Variants in JUND observed in about 807,000 individuals in gnomAD.
JUND encodes JunD proto-oncogene, AP-1 transcription factor subunit, also known as transcription factor JunD.
Under a neutral mutation model 7.1 loss-of-function variants are expected in JUND, and 2 were observed. That is an observed-to-expected ratio of 0.28 (90% confidence interval 0.11 to 0.88). The LOEUF is 0.88. JUND is among the 40% of genes least tolerant of loss of function. The probability of loss-of-function intolerance (pLI) is 0.60; values close to 1 mark genes in which losing one functional copy is unlikely to be tolerated. For missense variants in JUND, 479 were observed against 519.1 expected (o/e 0.92, Z 0.75); for synonymous variants, 335 against 263.2 (o/e 1.27, Z -2.64).
Position 18,280,495 on chromosome 19 carries a change from G to A in JUND, c.990C>T (p.Ser330=), listed in dbSNP as rs973848610. ...GCAGCTGGCAGCCGCTGTTGACGTG[G>A]CTGAGGACTTTCTGCTTGAGCTGCG... ...QVAQLKQKVL[S]HVNSGCQLLP... Residue 330 remains serine, a synonymous_variant, in exon 1 of 1, where the codon AGC becomes AGT. Transcript: ENST00000252818. This position sits in a 1 kb window ranked among gnomAD's most constrained non-coding sequence, Gnocchi z 4.1. 1.9e-6 allele frequency: 3 copies of A among 1,595,764 alleles called. No homozygotes were observed. The highest frequency in any genetic ancestry group is 2.6e-6 in the Non-Finnish European group (3 of 1,171,742).
rs1357378124 is a variant in JUND at position 18,281,110 on chromosome 19, G to A, written c.375C>T (p.Tyr125=). The change falls in exon 1 of 1, where the codon TAC becomes TAT. Residue 125 remains tyrosine, a synonymous_variant. Transcript: ENST00000252818. ...GCTCCTCGCTGGCCGCCACCTTGGG[G>A]TAGAGGAACTGTGAGCTCGTCGGCG... The part of the protein sequence containing the change: ...TTTPTSSQFL[Y]PKVAASEEQE... 1.3e-6 allele frequency: 2 copies of A among 1,581,266 alleles called. No homozygotes were observed. Among genetic ancestry groups the A allele is most frequent in the Non-Finnish European group, 8.6e-7 (1 of 1,168,870 alleles).
chr19:18,281,459 T>C lies in JUND; in HGVS notation c.26A>G (p.Glu9Gly). ...GCCGCCGCCCAGGCCGCTCAGCGCC[T>C]CATCGCCGTAGAAGGGTGTTTCCAT... METPFYGD[E>G]ALSGLGGGAS... is the part of the protein sequence containing the mutation. The change falls in exon 1 of 1, where the codon GAG becomes GGG. Residue 9 changes from glutamate to glycine, a missense_variant. Around this residue, in one of 3 missense-constraint regions of JUND, gnomAD observed 374 missense variants for 365.4 expected, o/e 1.02. Transcript: ENST00000252818. 1.5e-6 allele frequency: 2 copies of C among 1,366,516 alleles called. No individual in the cohort carries two copies. The highest frequency in any genetic ancestry group is 1.7e-5 in the South Asian group (1 of 59,952). 84.6% of individuals were successfully genotyped at this position (1,366,516 alleles called of 1,614,324 possible).
Position 18,280,213 on chromosome 19 carries a change from G to T in JUND, c.*228C>A. The T allele has an allele frequency of 2.3e-6, 1 of 434,788 alleles. No homozygotes were observed. The highest frequency in any genetic ancestry group is 4.1e-6 in the Non-Finnish European group (1 of 244,162). The allele number at this position is 434,788 out of a possible 1,614,324, so 26.9% of individuals were successfully genotyped here. On this transcript the variant is annotated 3_prime_UTR_variant, in exon 1 of 1. Coordinates refer to ENST00000252818, the MANE Select transcript of JUND (RefSeq NM_005354.6). The surrounding 1 kb of genome is among the most constrained non-coding windows in gnomAD (Gnocchi z 4.1). ...GGGAAAGAGGCAGCGCGAGGGCGGG[G>T]GGGTCATGCGCTCGCCCCCCCGGGA...
At position 18,280,612 on chromosome 19, in the gene JUND, C is replaced by T. The variant is rs1326929340; in HGVS notation, c.873G>A (p.Glu291=). ...AASKCRKRKL[E]RISRLEEKVK... ...CTTTCTCTTCCAGGCGCGAGATGCG[C>T]TCCAGCTTGCGCTTGCGGCACTTGG... Residue 291 remains glutamate, a synonymous_variant, in exon 1 of 1, where the codon GAG becomes GAA. Coordinates refer to ENST00000252818, the MANE Select transcript of JUND (RefSeq NM_005354.6). The surrounding 1 kb of genome is among the most constrained non-coding windows in gnomAD (Gnocchi z 4.1). 4 of 1,612,876 alleles carry T rather than the reference C, an allele frequency of 2.5e-6. No individual in the cohort carries two copies. The African/African-American group carries it at 4.0e-5, about 16-fold the overall frequency.
Position 18,281,278 on chromosome 19 carries a change from A to C in JUND, c.207T>G (p.Pro69=). 3.5e-6 allele frequency: 5 copies of C among 1,421,692 alleles called. No individual in the cohort carries two copies. The highest frequency in any genetic ancestry group is 4.6e-6 in the Non-Finnish European group (5 of 1,096,110). 88.1% of individuals were successfully genotyped at this position (1,421,692 alleles called of 1,614,324 possible). A position where few individuals can be genotyped will look rare whatever the true frequency, so the allele number is the denominator to read the frequency against. The part of the protein sequence containing the change: ...AAALKPAAAP[P]PTPLRADGAP... ...CGCCGTCGGCGCGCAGGGGGGTAGG[A>C]GGCGGCGCGGCCGCAGGCTTGAGCG... The change falls in exon 1 of 1, where the codon CCT becomes CCG. Residue 69 remains proline (P), a synonymous_variant. Transcript: ENST00000252818.
Position 18,280,103 on chromosome 19 carries a change from C to T in JUND, c.*338G>A. 3.3e-6 allele frequency: 1 copy of T among 302,986 alleles called. No individual in the cohort carries two copies. Among genetic ancestry groups the T allele is most frequent in the Non-Finnish European group, 6.2e-6 (1 of 162,284 alleles). The allele number at this position is 302,986 out of a possible 1,614,324, so 18.8% of individuals were successfully genotyped here. On this transcript the variant is annotated 3_prime_UTR_variant, in exon 1 of 1. Coordinates refer to ENST00000252818, the MANE Select transcript of JUND (RefSeq NM_005354.6). The surrounding 1 kb of genome is among the most constrained non-coding windows in gnomAD (Gnocchi z 4.1). ...AGGAAAGGCAGGGTTTGAGGCTGCG[C>T]CCCCTCGGAGCCCCCTTCCGCGGCG...
At position 18,280,673 on chromosome 19, in the gene JUND, G is replaced by A; in HGVS notation, c.812C>T (p.Ala271Val). 2 of 1,612,440 alleles carry A rather than the reference G, an allele frequency of 1.2e-6. No individual in the cohort carries two copies. The highest frequency in any genetic ancestry group is 1.7e-6 in the Non-Finnish European group (2 of 1,179,744). Reference sequence around the variant, plus strand: ...GCGGTTGCGCAGCCGCTTGCGCTCCGCCTTGATGCGCTCCTGCGTGTCCAT... The same window carrying A: ...GCGGTTGCGCAGCCGCTTGCGCTCCACCTTGATGCGCTCCTGCGTGTCCAT... ...IDMDTQERIK[A>V]ERKRLRNRIA... is the part of the protein sequence containing the mutation. The change falls in exon 1 of 1, where the codon GCG (alanine) becomes GTG (valine). Residue 271 changes from alanine (A) to valine (V), a missense_variant. Around this residue, in one of 3 missense-constraint regions of JUND, gnomAD observed 63 missense variants for 116.6 expected, o/e 0.54. Coordinates refer to ENST00000252818, the MANE Select transcript of JUND (RefSeq NM_005354.6). The surrounding 1 kb of genome is among the most constrained non-coding windows in gnomAD (Gnocchi z 4.1).
In JUND at chr19:18,281,563, G is replaced by A. The variant is rs561665867; in HGVS notation, c.-79C>T. 74 of 564,266 alleles carry A rather than the reference G, an allele frequency of 1.3e-4. No individual in the cohort carries two copies. The highest frequency in any genetic ancestry group is 1.5e-4 in the Non-Finnish European group (66 of 442,274). The allele number at this position is 564,266 out of a possible 1,614,324, so 35.0% of individuals were successfully genotyped here. ...GGGGCCCGCGCCCCCCCGTCCGCTC[G>A]GCCCTGCGCCCGCCCCGGCCGCGGC... On this transcript the variant is annotated 5_prime_UTR_variant, in exon 1 of 1. Coordinates refer to ENST00000252818, the MANE Select transcript of JUND (RefSeq NM_005354.6).
chr19:18,281,203 C>T lies in JUND; in HGVS notation c.282G>A (p.Gly94=), dbSNP rs769833068. The change falls in exon 1 of 1, where the codon GGG becomes GGA. Residue 94 remains glycine (G), a synonymous_variant. Coordinates refer to ENST00000252818, the MANE Select transcript of JUND (RefSeq NM_005354.6). ...GCTCGGGGGAGGCCAGCTTCAGCAG[C>T]CCCAGGTCGGGAGAGGCGAGCAGGC... The part of the protein sequence containing the change: ...PDGLLASPDL[G]LLKLASPELE... The T allele has an allele frequency of 4.6e-6, 7 of 1,519,992 alleles. No individual in the cohort carries two copies. Among genetic ancestry groups the T allele is most frequent in the Admixed American group, 2.0e-5 (1 of 49,350 alleles). 94.2% of individuals were successfully genotyped at this position (1,519,992 alleles called of 1,614,324 possible).
In JUND at chr19:18,279,791, A is replaced by G. The variant is rs1427387707; in HGVS notation, c.*650T>C. On this transcript the variant is annotated 3_prime_UTR_variant, in exon 1 of 1. Transcript: ENST00000252818. ...AACGAGACTTTACTGAAAACAGAAAACCGGGCGAACCAAGGATTACAAACA... is the reference window on the plus strand; with the variant it reads ...AACGAGACTTTACTGAAAACAGAAAGCCGGGCGAACCAAGGATTACAAACA... 4.6e-5 allele frequency: 7 copies of G among 152,144 alleles called. No individual in the cohort carries two copies. The highest frequency in any genetic ancestry group is 1.0e-4 in the Non-Finnish European group (7 of 67,934). 9.4% of individuals were successfully genotyped at this position (152,144 alleles called of 1,614,324 possible).
rs1182662262 is a variant in JUND, at chr19:18,280,367, C to T, written c.*74G>A. On this transcript the variant is annotated 3_prime_UTR_variant, in exon 1 of 1. Transcript: ENST00000252818. The surrounding 1 kb of genome is among the most constrained non-coding windows in gnomAD (Gnocchi z 4.1). ...CCCAGGGCCGCACCCTCTCCAAGTC[C>T]GGGGCGCCCACGACACCCCCCCGCG... 4.7e-6 allele frequency: 7 copies of T among 1,481,160 alleles called. No homozygotes were observed. The highest frequency in any genetic ancestry group is 4.5e-6 in the Non-Finnish European group (5 of 1,112,352). 91.8% of individuals were successfully genotyped at this position (1,481,160 alleles called of 1,614,324 possible).
rs1391029934 is a variant in JUND at position 18,280,417 on chromosome 19, C to G, written c.*24G>C. The G allele has an allele frequency of 1.3e-6, 2 of 1,540,286 alleles. No homozygotes were observed. Among genetic ancestry groups the G allele is most frequent in the Non-Finnish European group, 1.7e-6 (2 of 1,145,522 alleles). ...GAGCCCGCCCCTTGGGGAGGGTGGC[C>G]GCGCATGCGCCCCGCGCGCGGACTC... is the stretch of plus-strand genomic sequence containing the variant. On this transcript the variant is annotated 3_prime_UTR_variant, in exon 1 of 1. Transcript: ENST00000252818. This position sits in a 1 kb window ranked among gnomAD's most constrained non-coding sequence, Gnocchi z 4.1.
chr19:18,280,092 T>G lies in JUND; in HGVS notation c.*349A>C. ...AGTAAAAGTAAAGGAAAGGCAGGGT[T>G]TGAGGCTGCGCCCCCTCGGAGCCCC... On this transcript the variant is annotated 3_prime_UTR_variant, in exon 1 of 1. Transcript: ENST00000252818. This position sits in a 1 kb window ranked among gnomAD's most constrained non-coding sequence, Gnocchi z 4.1. The G allele has an allele frequency of 3.5e-6, 1 of 287,626 alleles. No individual in the cohort carries two copies. The highest frequency in any genetic ancestry group is 6.5e-6 in the Non-Finnish European group (1 of 153,350). 17.8% of individuals were successfully genotyped at this position (287,626 alleles called of 1,614,324 possible).
At position 18,281,275 on chromosome 19, in the gene JUND, A is replaced by G. The variant is rs1600148197; in HGVS notation, c.210T>C (p.Pro70=). 2 of 1,426,480 alleles carry G rather than the reference A, an allele frequency of 1.4e-6. No homozygotes were observed. The highest frequency in any genetic ancestry group is 9.1e-7 in the Non-Finnish European group (1 of 1,097,738). The allele number at this position is 1,426,480 out of a possible 1,614,324, so 88.4% of individuals were successfully genotyped here. A position where few individuals can be genotyped will look rare whatever the true frequency, so the allele number is the denominator to read the frequency against. Residue 70 remains proline, a synonymous_variant, in exon 1 of 1, where the codon CCT becomes CCC. Coordinates refer to ENST00000252818, the MANE Select transcript of JUND (RefSeq NM_005354.6). ...AALKPAAAPP[P]TPLRADGAPS... The stretch of plus-strand genomic sequence containing the variant: ...GGGCGCCGTCGGCGCGCAGGGGGGT[A>G]GGAGGCGGCGCGGCCGCAGGCTTGA...
chr19:18,280,459 G>C lies in JUND; in HGVS notation c.1026C>G (p.His342Gln). The change falls in exon 1 of 1, where the codon CAC becomes CAG. Residue 342 changes from histidine to glutamine, a missense_variant. This residue lies in a region of JUND where 42 missense variants were observed against 37.1 expected (regional missense o/e 1.13). Coordinates refer to ENST00000252818, the MANE Select transcript of JUND (RefSeq NM_005354.6). This position sits in a 1 kb window ranked among gnomAD's most constrained non-coding sequence, Gnocchi z 4.1. ...VNSGCQLLPQHQVPAY is the reference protein window; with the variant it reads ...VNSGCQLLPQQQVPAY ...CGCGGACTCAGTACGCGGGCACCTGGTGCTGGGGCAGCAGCTGGCAGCCGC... is the reference window on the plus strand; with the variant it reads ...CGCGGACTCAGTACGCGGGCACCTGCTGCTGGGGCAGCAGCTGGCAGCCGC... 3 of 1,563,152 alleles carry C rather than the reference G, an allele frequency of 1.9e-6. No homozygotes were observed. The highest frequency in any genetic ancestry group is 2.6e-6 in the Non-Finnish European group (3 of 1,154,424).
In JUND at chr19:18,280,333, G is replaced by A. The variant is rs1249918562; in HGVS notation, c.*108C>T. On this transcript the variant is annotated 3_prime_UTR_variant, in exon 1 of 1. Transcript: ENST00000252818. This position sits in a 1 kb window ranked among gnomAD's most constrained non-coding sequence, Gnocchi z 4.1. ...CTGAGTTCCTGGGCACACTCGGGGA[G>A]GGGGGGTCCCCAGGGCCGCACCCTC... 3.6e-5 allele frequency: 42 copies of A among 1,158,968 alleles called. No individual in the cohort carries two copies. In the South Asian group the frequency reaches 4.3e-4, roughly 12 times the overall value. 71.8% of individuals were successfully genotyped at this position (1,158,968 alleles called of 1,614,324 possible).
chr19:18,281,437 G>A lies in JUND; in HGVS notation c.48C>T (p.Gly16=). Residue 16 remains glycine (G), a synonymous_variant, in exon 1 of 1, where the codon GGC becomes GGT. Coordinates refer to ENST00000252818, the MANE Select transcript of JUND (RefSeq NM_005354.6). Reference sequence around the variant, plus strand: ...AGCTGCCGCCGCTGCCACTGGCGCCGCCGCCCAGGCCGCTCAGCGCCTCAT... The same window carrying A: ...AGCTGCCGCCGCTGCCACTGGCGCCACCGCCCAGGCCGCTCAGCGCCTCAT... ...YGDEALSGLG[G]GASGSGGSFA... is the part of the protein sequence containing the mutation. 7.3e-7 allele frequency: 1 copy of A among 1,364,650 alleles called. No individual in the cohort carries two copies. The highest frequency in any genetic ancestry group is 9.4e-7 in the Non-Finnish European group (1 of 1,063,510). 84.5% of individuals were successfully genotyped at this position (1,364,650 alleles called of 1,614,324 possible). A position where few individuals can be genotyped will look rare whatever the true frequency, so the allele number is the denominator to read the frequency against.
In JUND at chr19:18,281,099, G is replaced by T; in HGVS notation, c.386C>A (p.Ala129Glu). The change falls in exon 1 of 1, where the codon GCG becomes GAG. Residue 129 changes from alanine (A) to glutamate (E), a missense_variant. Around this residue, in one of 3 missense-constraint regions of JUND, gnomAD observed 374 missense variants for 365.4 expected, o/e 1.02. Transcript: ENST00000252818. ...TSSQFLYPKV[A>E]ASEEQEFAEG... is the part of the protein sequence containing the mutation. ...GGCGAACTCCTGCTCCTCGCTGGCC[G>T]CCACCTTGGGGTAGAGGAACTGTGA... The T allele has an allele frequency of 6.3e-7, 1 of 1,579,376 alleles. No individual in the cohort carries two copies.
rs41363545 is a variant in JUND, at chr19:18,279,901, G to C, written c.*540C>G. The C allele has an allele frequency of 3.2e-5, 5 of 154,878 alleles. No individual in the cohort carries two copies. The highest frequency in any genetic ancestry group is 1.2e-4 in the African/African-American group (5 of 41,362). 9.6% of individuals were successfully genotyped at this position (154,878 alleles called of 1,614,324 possible). ...TCGAAAGAACCGAAGGGGGGAGCGA[G>C]ATCGAGGAAAGGGGCGGAGAATTTT... On this transcript the variant is annotated 3_prime_UTR_variant, in exon 1 of 1. Transcript: ENST00000252818.
Sources: allele counts gnomAD v4.1 joint callset, GRCh38; gene constraint gnomAD v4.1.1; regional missense constraint gnomAD v4.1.1; non-coding constraint Gnocchi (gnomAD v3.1); transcripts MANE v1.5; gene names NCBI Gene and HGNC (gene_info 2026-07-23, HGNC 2026-07-21).